Variants in ATP11A observed in about 807,000 individuals in gnomAD.
ATP11A encodes ATPase phospholipid transporting 11A.
ATP11A carries 81 observed loss-of-function variants against 154.4 expected under a neutral mutation model. That is an observed-to-expected ratio of 0.52 (90% confidence interval 0.44 to 0.63). The LOEUF is 0.63. Ranked by LOEUF, ATP11A falls within the 30% of genes least tolerant of loss-of-function variation. ATP11A has a pLI of 0.00. For missense variants in ATP11A, 1,316 were observed against 1,474.3 expected (o/e 0.89, Z 1.76); for synonymous variants, 623 against 585.9 (o/e 1.06, Z -0.91).
At position 112,839,856 on chromosome 13, in the gene ATP11A, T is replaced by C. The variant is rs17121769; in HGVS notation, c.1706-2420T>C. On this transcript the variant is annotated intron_variant, in intron 16 of 29. Transcript: ENST00000375645. ...AACATGAATTTTCTAGTAAAAAATG[T>C]GCTGTTGTTCAAGAATGCATCATTA... 3.2e-3 allele frequency among the ~76,000 whole-genome samples: 485 copies of C among 152,308 alleles called. 2 individuals carry two copies. The highest frequency in any genetic ancestry group is 0.011 in the African/African-American group (465 of 41,554).
At chr13:112,873,433 T>C (rs1263514869) in intron 26 of ATP11A, 140 bp from the exon 27 acceptor site, 2 of 594,546 alleles carry the variant, frequency 3.4e-6, no homozygotes, top group Non-Finnish European at 5.7e-6. Context: ...TGAGCCGTGT[T>C]TTGCAGGCAT....
chr13:112,827,327 G>A (rs2078958990), intron 12 of ATP11A, among the ~76,000 whole-genome samples: 1 of 152,244 alleles, frequency 6.6e-6, no homozygotes, highest in South Asian at 2.1e-4. Context: ...TCCTGCTGCT[G>A]CATGATGGCT....
rs146146321 is a variant in ATP11A at position 112,871,682 on chromosome 13, G to C, written c.2992-53G>C. 136 of 1,560,100 alleles carry C rather than the reference G, an allele frequency of 8.7e-5. No individual in the cohort carries two copies. In the African/African-American group the frequency reaches 1.8e-3, roughly 20 times the overall value. ...TTTTCTAAAACTCTTGATTGTGAAA[G>C]AGAAAAAAAAATACATAAAAACGAG... On this transcript the variant is annotated intron_variant, in intron 25 of 29. Coordinates refer to ENST00000375645, the MANE Select transcript of ATP11A (RefSeq NM_015205.3).
intron 29 of ATP11A, among the ~76,000 whole-genome samples, chr13:112,880,058 G>T (rs577058026): frequency 6.6e-6 from 1 of 152,284 alleles, no homozygotes; most frequent in African/African-American, 2.4e-5. Flanking sequence ...CAGTTCTTCA[G>T]CTCCTGTGCT....
chr13:112,811,282 A>G (rs1403394913), intron 5 of ATP11A, among the ~76,000 whole-genome samples: 1 of 147,012 alleles, frequency 6.8e-6, no homozygotes, highest in Non-Finnish European at 1.5e-5. Context: ...CCCCACACAC[A>G]CCCTCCCTCT....
chr13:112,810,759 A>G, intron 5 of ATP11A, 33 bp downstream of exon 5: 9 of 1,586,558 alleles, frequency 5.7e-6, no homozygotes, highest in South Asian at 1.1e-5. Flanking sequence ...ACGCTGGTGA[A>G]GTCCAGTAAC....
chr13:112,731,145 G>C (rs1890440422), intron 1 of ATP11A, among the ~76,000 whole-genome samples: 2 of 152,002 alleles, frequency 1.3e-5, no homozygotes, highest in Non-Finnish European at 2.9e-5. Flanking sequence ...ATGTTGGCCA[G>C]GCTGGTCTGG....
chr13:112,836,228 G>T lies in ATP11A; in HGVS notation c.1682G>T (p.Ser561Ile). 1.2e-6 allele frequency: 2 copies of T among 1,611,230 alleles called. No homozygotes were observed. The highest frequency in any genetic ancestry group is 1.7e-6 in the Non-Finnish European group (2 of 1,178,228). Residue 561 changes from serine to isoleucine, a missense_variant, in exon 16 of 30, where the codon AGT becomes ATT. Ser to Ile is a moderately radical substitution (Grantham distance 142). Coordinates refer to ENST00000375645, the MANE Select transcript of ATP11A (RefSeq NM_015205.3). ...LSFDSVRRRM[S>I]VIVKSATGEI... is the part of the protein sequence containing the mutation. ...TTTGACTCAGTCAGAAGGAGAATGA[G>T]TGTAATTGTAAAATCTGCTACAGGT...
chr13:112,829,221 G>T (rs1328513707), intron 12 of ATP11A, among the ~76,000 whole-genome samples: 1 of 152,204 alleles, frequency 6.6e-6, no homozygotes, highest in Admixed American at 6.5e-5. Context: ...TGTTCCTAGA[G>T]CTGAGGGTGA....
chr13:112,716,642 G>T (rs1432212436), intron 1 of ATP11A, among the ~76,000 whole-genome samples: 1 of 152,182 alleles, frequency 6.6e-6, no homozygotes, highest in Non-Finnish European at 1.5e-5. Flanking sequence ...GCCAGGTCCT[G>T]ACTCTCACCC....
intron 2 of ATP11A, among the ~76,000 whole-genome samples, chr13:112,787,382 A>C (rs1443790147): frequency 2.3e-5 from 3 of 129,934 alleles, no homozygotes; most frequent in Admixed American, 2.2e-4. Context: ...GTGGAGACCT[A>C]CTTAATCCAC....
At chr13:112,856,614 G>C (rs370769973) in intron 20 of ATP11A, 3 of 152,372 alleles carry the variant, frequency 2.0e-5, no homozygotes, top group African/African-American at 7.2e-5. Flanking sequence ...CCATGTTCTT[G>C]TGGGAAACGC....
chr13:112,876,202 C>T, intron 28 of ATP11A: 2 of 312,236 alleles, frequency 6.4e-6, no homozygotes, highest in Non-Finnish European at 1.2e-5. Context: ...ATGCAAAAGG[C>T]AAATTATTTC....
At chr13:112,729,550 GAGTGTCTTACTCATCC>G (rs1890269889) in intron 1 of ATP11A, among the ~76,000 whole-genome samples, 1 of 150,558 alleles carries the variant, frequency 6.6e-6, no homozygotes, top group South Asian at 2.1e-4. Context: ...TGCAGGCCCG[GAGTGTCTTACTCATCC>G]GAGTGTGAAC....
intron 15 of ATP11A, among the ~76,000 whole-genome samples, chr13:112,835,388 C>T (rs2140265157): frequency 6.6e-6 from 1 of 152,340 alleles, no homozygotes; most frequent in South Asian, 2.1e-4. Context: ...AATAAACTCC[C>T]CAGTGGAAGA....
rs1178224583 is a variant in ATP11A at position 112,838,717 on chromosome 13, G to A, written c.1705+2466G>A. 6.6e-6 allele frequency among the ~76,000 whole-genome samples: 1 copy of A among 152,240 alleles called. No homozygotes were observed. The highest frequency in any genetic ancestry group is 1.5e-5 in the Non-Finnish European group (1 of 68,036). ...CCATGAGAATATCCCTATCCGCACTGGGACGCCTGTGGACCTCCTAGGGCC... is the reference window on the plus strand; with the variant it reads ...CCATGAGAATATCCCTATCCGCACTAGGACGCCTGTGGACCTCCTAGGGCC... On this transcript the variant is annotated intron_variant, in intron 16 of 29. Coordinates refer to ENST00000375645, the MANE Select transcript of ATP11A (RefSeq NM_015205.3). The surrounding 1 kb of genome is among the most constrained non-coding windows in gnomAD (Gnocchi z 7.3).
At chr13:112,704,995 T>C (rs936655716) in intron 1 of ATP11A, among the ~76,000 whole-genome samples, 4 of 152,166 alleles carry the variant, frequency 2.6e-5, no homozygotes, top group Non-Finnish European at 5.9e-5. Context: ...CACTTTCCGA[T>C]AAAATGCCTC....
chr13:112,883,023 G>GTCCCCTCA lies in ATP11A; in HGVS notation c.*1162_*1169dup. 2.6e-6 allele frequency: 1 copy of GTCCCCTCA among 388,212 alleles called. No individual in the cohort carries two copies. Among genetic ancestry groups the GTCCCCTCA allele is most frequent in the East Asian group, 3.6e-5 (1 of 27,608 alleles). 24.0% of individuals were successfully genotyped at this position (388,212 alleles called of 1,614,324 possible). ...CCACGTCCCCTCGTCCCATCCCCACGTCCCCTCATCCCGTCACCTCGTCCC... is the reference window on the plus strand; with the variant it reads ...CCACGTCCCCTCGTCCCATCCCCACGTCCCCTCATCCCCTCATCCCGTCACCTCGTCCC... On this transcript the variant is annotated 3_prime_UTR_variant, in exon 30 of 30. Coordinates refer to ENST00000375645, the MANE Select transcript of ATP11A (RefSeq NM_015205.3).
chr13:112,854,140 A>T (rs1403015976), intron 18 of ATP11A, 139 bp from the exon 19 acceptor site: 2 of 1,157,728 alleles, frequency 1.7e-6, no homozygotes, highest in Non-Finnish European at 2.4e-6. Flanking sequence ...TGGTGAGATC[A>T]TGAGCCACAG....
Sources: gnomAD v4.1 joint callset for allele counts (sites outside exome capture counted in the v4.1 genomes callset) on GRCh38, gnomAD v4.1.1 for gene constraint, Gnocchi (gnomAD v3.1) non-coding constraint, MANE v1.5 for transcripts, NCBI Gene and HGNC (gene_info 2026-07-23, HGNC 2026-07-21) for gene names.